WRNIP1: variants seen among roughly 807,000 people sequenced by gnomAD.
The protein encoded by WRNIP1 is WRN helicase interacting protein 1.
A neutral mutation model predicts 56.1 loss-of-function variants in WRNIP1; 41 were observed. The ratio of observed to expected loss-of-function variants is 0.73; its 90% CI spans 0.57 to 0.95. The LOEUF (loss-of-function observed/expected upper bound fraction) is 0.95, where lower values mean the gene tolerates loss of function less well. WRNIP1 is among the 40% of genes least tolerant of loss of function. The pLI, the probability that WRNIP1 is intolerant of heterozygous loss-of-function variation, is 0.00. For synonymous variants in WRNIP1, 547 were observed against 398.1 expected, an observed-to-expected ratio of 1.37 and a Z score of -4.45; for missense variants, 1,170 against 939.4, an observed-to-expected ratio of 1.25 and a Z score of -3.21.
chr6:2,771,739 C>G (rs529267124), intron 3 of WRNIP1, among the ~76,000 whole-genome samples: 1 of 152,146 alleles, frequency 6.6e-6, no homozygotes, highest in Admixed American at 6.5e-5. Context: ...CTTCTGGTCC[C>G]AGGCACTTCA....
chr6:2,772,903 A>G, intron 3 of WRNIP1: 1 of 901,930 alleles, frequency 1.1e-6, no homozygotes, highest in Non-Finnish European at 1.3e-6. Context: ...GAAAGAAAAG[A>G]CTTCCAACCC....
At chr6:2,782,506 G>A (rs1765586044) in intron 4 of WRNIP1, among the ~76,000 whole-genome samples, 1 of 152,222 alleles carries the variant, frequency 6.6e-6, no homozygotes, top group Non-Finnish European at 1.5e-5. Flanking sequence ...CAGTCGTATT[G>A]TGGACATGGG....
chr6:2,784,026 G>C (rs1401108317), intron 5 of WRNIP1, among the ~76,000 whole-genome samples: 1 of 152,068 alleles, frequency 6.6e-6, no homozygotes, highest in Non-Finnish European at 1.5e-5. Flanking sequence ...TTTCCATCCT[G>C]GTGAATGTCT....
At chr6:2,777,027 T>G (rs1018083446) in intron 3 of WRNIP1, among the ~76,000 whole-genome samples, 1 of 152,202 alleles carries the variant, frequency 6.6e-6, no homozygotes, top group Non-Finnish European at 1.5e-5. Context: ...AGTTTTTGTT[T>G]TAGGTTAGCT....
intron 3 of WRNIP1, among the ~76,000 whole-genome samples, chr6:2,772,524 T>A (rs1737995740): frequency 6.6e-6 from 1 of 152,250 alleles, no homozygotes; most frequent in African/African-American, 2.4e-5. Flanking sequence ...TAGTTTAATA[T>A]GTTTTGCATT....
intron 6 of WRNIP1, 130 bp from the exon 7 acceptor site, chr6:2,784,877 C>CCTA: frequency 8.3e-7 from 1 of 1,211,372 alleles, no homozygotes; most frequent in Non-Finnish European, 1.2e-6. Flanking sequence ...AGACTGTAGG[C>CCTA]GCAAAAGGGG....
chr6:2,784,880 A>T, intron 6 of WRNIP1, 127 bp from the exon 7 acceptor site: 1 of 1,268,862 alleles, frequency 7.9e-7, no homozygotes, highest in Non-Finnish European at 1.1e-6. Context: ...CTGTAGGCGC[A>T]AAAGGGGGAT....
intron 6 of WRNIP1, among the ~76,000 whole-genome samples, chr6:2,784,734 A>G (rs910529206): frequency 6.6e-6 from 1 of 152,028 alleles, no homozygotes; most frequent in Non-Finnish European, 1.5e-5. Context: ...TCTCTTTTAT[A>G]TATTGGGGGC....
intron 3 of WRNIP1, among the ~76,000 whole-genome samples, chr6:2,771,417 A>G (rs758542623): frequency 4.6e-5 from 7 of 152,160 alleles, no homozygotes; most frequent in Non-Finnish European, 4.4e-5. Flanking sequence ...GGGGATAGCC[A>G]TTACATCTGT....
At chr6:2,781,309 TAAG>T (rs1200720634) in intron 4 of WRNIP1, among the ~76,000 whole-genome samples, 4 of 152,348 alleles carry the variant, frequency 2.6e-5, no homozygotes, top group South Asian at 4.1e-4. Context: ...GCCAGCGCCT[TAAG>T]AACCCCACAT....
intron 3 of WRNIP1, among the ~76,000 whole-genome samples, chr6:2,772,690 A>G (rs1765331849): frequency 6.6e-6 from 1 of 152,246 alleles, no homozygotes; most frequent in Non-Finnish European, 1.5e-5. Context: ...AAGTTAAGTT[A>G]GGAGATATCA....
intron 4 of WRNIP1, among the ~76,000 whole-genome samples, chr6:2,780,612 G>A (rs185014899): frequency 8.0e-4 from 122 of 152,302 alleles, no homozygotes; most frequent in African/African-American, 2.8e-3. Context: ...TGACGTGAAT[G>A]CTTGCAAAGT....
chr6:2,778,465 A>G (rs1254331546), intron 3 of WRNIP1, among the ~76,000 whole-genome samples: 1 of 152,198 alleles, frequency 6.6e-6, no homozygotes. Context: ...GTTAGATCTT[A>G]TTTATGAGGG....
At chr6:2,770,693 T>C (rs1307713689) in intron 3 of WRNIP1, among the ~76,000 whole-genome samples, 3 of 152,166 alleles carry the variant, frequency 2.0e-5, no homozygotes, top group Non-Finnish European at 1.5e-5. Context: ...AGGCTTTATG[T>C]CCCTCATTGA....
chr6:2,783,604 G>A (rs116727479), intron 5 of WRNIP1, 43 bp downstream of exon 5: 9 of 1,298,032 alleles, frequency 6.9e-6, no homozygotes, highest in Non-Finnish European at 7.0e-6. Context: ...GTCCATGAGG[G>A]TGGGGAAATG....
At chr6:2,770,020 A>C (rs1765206524) in intron 2 of WRNIP1, 100 bp from the exon 3 acceptor site, 2 of 1,523,888 alleles carry the variant, frequency 1.3e-6, no homozygotes, top group Non-Finnish European at 1.8e-6. Flanking sequence ...CTCGAAAGAT[A>C]AAAATGAGGA....
At chr6:2,772,131 T>A (rs1765304990) in intron 3 of WRNIP1, among the ~76,000 whole-genome samples, 1 of 152,214 alleles carries the variant, frequency 6.6e-6, no homozygotes, top group Admixed American at 6.5e-5. Context: ...AAGGAGCTCA[T>A]CCTTGTGAGA....
chr6:2,778,818 C>G (rs1765490547), intron 3 of WRNIP1, among the ~76,000 whole-genome samples: 1 of 152,226 alleles, frequency 6.6e-6, no homozygotes, highest in Admixed American at 6.5e-5. Flanking sequence ...AATGCTGACT[C>G]TCCCCTGTGT....
At chr6:2,784,612 C>T (rs762306835) in intron 6 of WRNIP1, among the ~76,000 whole-genome samples, 9 of 152,094 alleles carry the variant, frequency 5.9e-5, no homozygotes, top group Non-Finnish European at 7.4e-5. Flanking sequence ...AAACTGTTCT[C>T]GGGATTCCGG....
Sources: gnomAD v4.1 joint callset for allele counts (sites outside exome capture counted in the v4.1 genomes callset) on GRCh38, gnomAD v4.1.1 for gene constraint, MANE v1.5 for transcripts, NCBI Gene and HGNC (gene_info 2026-07-23, HGNC 2026-07-21) for gene names.